PTPRD: variants seen among roughly 807,000 people sequenced by gnomAD.
PTPRD encodes the protein receptor-type tyrosine-protein phosphatase delta.
A neutral mutation model predicts 214.5 loss-of-function variants in PTPRD; 34 were observed. The ratio of observed to expected loss-of-function variants is 0.16; its 90% CI spans 0.12 to 0.21. PTPRD has a LOEUF of 0.21. Ranked by LOEUF, PTPRD falls within the 10% of genes least tolerant of loss-of-function variation. The pLI is 1.00. For synonymous variants in PTPRD, 1,128 were observed against 845.7 expected (o/e 1.33, Z -5.79); for missense variants, 2,545 against 2,398.7 (o/e 1.06, Z -1.27).
chr9:9,588,095 C>T (rs1312067685), intron 7 of PTPRD, among the ~76,000 whole-genome samples: 2 of 151,794 alleles, frequency 1.3e-5, no homozygotes, highest in African/African-American at 4.8e-5. Context: ...ATGTAACAAA[C>T]ATTCATCTGT....
intron 2 of PTPRD, among the ~76,000 whole-genome samples, chr9:10,557,946 T>G (rs562284516): frequency 2.0e-4 from 31 of 152,284 alleles, no homozygotes; most frequent in Non-Finnish European, 3.1e-4. Context: ...CACAGCATTC[T>G]GCACAGAGAA....
At chr9:10,109,484 T>G (rs181362544) in intron 3 of PTPRD, among the ~76,000 whole-genome samples, 23 of 152,320 alleles carry the variant, frequency 1.5e-4, no homozygotes, top group African/African-American at 4.6e-4. Context: ...TACCTACTAC[T>G]TTAAATAAAT....
chr9:10,178,189 A>T (rs1442597678), intron 3 of PTPRD, among the ~76,000 whole-genome samples: 2 of 151,948 alleles, frequency 1.3e-5, no homozygotes, highest in Admixed American at 1.3e-4. Flanking sequence ...TTCCCTTGGA[A>T]TGGGATTGGG....
At chr9:10,133,954 C>CT (rs897921423) in intron 3 of PTPRD, among the ~76,000 whole-genome samples, 2 of 152,028 alleles carry the variant, frequency 1.3e-5, no homozygotes, top group Non-Finnish European at 2.9e-5. Flanking sequence ...ATATTACATA[C>CT]TTTTTTTCAT....
At chr9:8,723,710 T>C (rs1168156041) in intron 12 of PTPRD, among the ~76,000 whole-genome samples, 13 of 152,208 alleles carry the variant, frequency 8.5e-5, no homozygotes. Flanking sequence ...AACAATGGCA[T>C]TTTATTTTTC....
intron 10 of PTPRD, among the ~76,000 whole-genome samples, chr9:9,104,129 A>G (rs949245342): frequency 1.3e-5 from 2 of 152,208 alleles, no homozygotes; most frequent in Non-Finnish European, 2.9e-5. Context: ...ATAGGACTAA[A>G]TAGTAGATAC....
At chr9:8,495,324 C>G (rs1213492249) in intron 26 of PTPRD, among the ~76,000 whole-genome samples, 2 of 152,180 alleles carry the variant, frequency 1.3e-5, no homozygotes, top group Non-Finnish European at 2.9e-5. Context: ...TTCCTCAGTT[C>G]TTAGCAAGTT....
chr9:8,642,021 A>G (rs1168002645), intron 12 of PTPRD, among the ~76,000 whole-genome samples: 3 of 152,216 alleles, frequency 2.0e-5, no homozygotes, highest in East Asian at 1.9e-4. Flanking sequence ...CCTTTCGTAC[A>G]CTATACTAAG....
chr9:9,625,915 G>A (rs2095411837), intron 7 of PTPRD, among the ~76,000 whole-genome samples: 1 of 152,130 alleles, frequency 6.6e-6, no homozygotes, highest in South Asian at 2.1e-4. Flanking sequence ...GACTTTATCT[G>A]TAAAAGGCTA....
intron 11 of PTPRD, among the ~76,000 whole-genome samples, chr9:8,840,237 T>A (rs1272934719): frequency 2.6e-5 from 4 of 152,168 alleles, no homozygotes; most frequent in Non-Finnish European, 5.9e-5. Context: ...TTCCACGTGT[T>A]GTAGGAGATA....
At chr9:8,842,023 TC>T (rs1264514106) in intron 11 of PTPRD, among the ~76,000 whole-genome samples, 1 of 130,964 alleles carries the variant, frequency 7.6e-6, no homozygotes, top group African/African-American at 3.0e-5. Context: ...AAAAAAAAAA[TC>T]CAACTATTGC....
chr9:8,823,812 A>T (rs928660709), intron 11 of PTPRD, among the ~76,000 whole-genome samples: 1 of 152,242 alleles, frequency 6.6e-6, no homozygotes. Context: ...GTGAGTTTGC[A>T]GTGCAAAGTG....
chr9:8,562,683 C>T (rs532562891), intron 14 of PTPRD, among the ~76,000 whole-genome samples: 3 of 152,136 alleles, frequency 2.0e-5, no homozygotes, highest in South Asian at 2.1e-4. Context: ...GTGATCCACC[C>T]GCCTCGGCCT....
chr9:8,846,841 T>C (rs1420243722), intron 11 of PTPRD, among the ~76,000 whole-genome samples: 1 of 152,156 alleles, frequency 6.6e-6, no homozygotes, highest in Non-Finnish European at 1.5e-5. Context: ...GAATATTTCA[T>C]GCTTTTTACA....
chr9:8,870,815 C>G (rs1415058894), intron 11 of PTPRD, among the ~76,000 whole-genome samples: 1 of 151,902 alleles, frequency 6.6e-6, no homozygotes, highest in Non-Finnish European at 1.5e-5. Context: ...CTCAGATCAC[C>G]TGACCTAAAT....
chr9:9,195,130 A>C (rs2099937722), intron 9 of PTPRD, among the ~76,000 whole-genome samples: 1 of 150,510 alleles, frequency 6.6e-6, no homozygotes, highest in African/African-American at 2.4e-5. Context: ...ATATACATAC[A>C]TACCCATATA....
Position 8,990,957 on chromosome 9 carries a change from G to C in PTPRD, c.-104+27740C>G, listed in dbSNP as rs187475140. Among the ~76,000 whole-genome samples, 26 of 152,150 alleles carry C rather than the reference G, an allele frequency of 1.7e-4. No homozygotes were observed. The East Asian group carries it at 4.9e-3, about 28-fold the overall frequency. On this transcript the variant is annotated intron_variant, in intron 11 of 45. Transcript: ENST00000381196. Reference sequence around the variant, plus strand: ...AGGCCAGGCACAGTGGCTCATGTCTGTAGTCCCAACACTTTGGGAGGTCAA... The same window carrying C: ...AGGCCAGGCACAGTGGCTCATGTCTCTAGTCCCAACACTTTGGGAGGTCAA...
intron 2 of PTPRD, among the ~76,000 whole-genome samples, chr9:10,411,041 T>C (rs2098429563): frequency 6.6e-6 from 1 of 151,800 alleles, no homozygotes; most frequent in African/African-American, 2.4e-5. Flanking sequence ...GCCTGGCACA[T>C]GCTAAGAGAT....
At chr9:9,167,278 T>C (rs375650213) in intron 10 of PTPRD, among the ~76,000 whole-genome samples, 62 of 152,178 alleles carry the variant, frequency 4.1e-4, no homozygotes, top group African/African-American at 1.4e-3. Flanking sequence ...GCTTCTTATT[T>C]TTTTAAATGC....
Sources: gnomAD v4.1 joint callset for allele counts (sites outside exome capture counted in the v4.1 genomes callset) on GRCh38, gnomAD v4.1.1 for gene constraint, MANE v1.5 for transcripts, NCBI Gene and HGNC (gene_info 2026-07-23, HGNC 2026-07-21) for gene names.